The following SOX6 variants were observed in gnomAD, a reference collection of about 807,000 sequenced individuals.
SOX6 encodes SRY-box transcription factor 6, also known as transcription factor SOX-6.
In SOX6, 11 loss-of-function variants were observed where a neutral mutation model predicts 97.8. The ratio of observed to expected loss-of-function variants is 0.11; its 90% confidence interval spans 0.07 to 0.19. The LOEUF (loss-of-function observed/expected upper bound fraction) is 0.19. Ranked by LOEUF, SOX6 falls within the 10% of genes least tolerant of loss-of-function variation. The pLI is 1.00. For missense variants in SOX6, 810 were observed against 1,039.5 expected (o/e 0.78, Z 3.04); for synonymous variants, 360 against 371.4 (o/e 0.97, Z 0.35).
intron 3 of SOX6, among the ~76,000 whole-genome samples, chr11:16,683,867 A>G (rs1847947681): frequency 6.6e-6 from 1 of 152,204 alleles, no homozygotes; most frequent in African/African-American, 2.4e-5. Flanking sequence ...AGAATCTACA[A>G]AGAACTTAAA....
upstream of SOX6, among the ~76,000 whole-genome samples, chr11:16,480,821 CAT>C (rs973213583): frequency 2.9e-4 from 44 of 152,218 alleles, no homozygotes; most frequent in African/African-American, 1.1e-3. Context: ...TACATTAAAT[CAT>C]AGCACTGCAT....
chr11:16,081,509 A>G (rs1440116967), intron 9 of SOX6, among the ~76,000 whole-genome samples: 1 of 152,152 alleles, frequency 6.6e-6, no homozygotes, highest in Non-Finnish European at 1.5e-5. Flanking sequence ...ACACCCCTAG[A>G]AAACTCTCAT....
chr11:16,557,373 T>C (rs561430459), intron 4 of SOX6, among the ~76,000 whole-genome samples: 37 of 151,970 alleles, frequency 2.4e-4, no homozygotes, highest in African/African-American at 8.4e-4. Flanking sequence ...CTCTAGAAAA[T>C]GTACTCCACA....
Position 16,698,398 on chromosome 11 carries a change from C to T in SOX6, n.429+16432G>A, listed in dbSNP as rs574707804. ...GAACTGGGAGAGTTGGAATCTTACT[C>T]TGGATTAGGCTTTGACTTAAGAGAA... On this transcript the variant is annotated intron_variant and non_coding_transcript_variant, in intron 3 of 5. Coordinates refer to the SOX6 transcript ENST00000524520. 2.0e-5 allele frequency among the ~76,000 whole-genome samples: 3 copies of T among 152,322 alleles called. No individual in the cohort carries two copies. The East Asian group carries it at 5.8e-4, about 29-fold the overall frequency.
chr11:16,165,897 C>CAA (rs376656488), intron 6 of SOX6, among the ~76,000 whole-genome samples: 8,798 of 118,312 alleles, frequency 0.074, 622 homozygotes, highest in East Asian at 0.38. Context: ...GACTCTGTCT[C>CAA]AAAAAAAAAA....
intron 4 of SOX6, among the ~76,000 whole-genome samples, chr11:16,546,993 G>A (rs1432453127): frequency 6.6e-6 from 1 of 151,974 alleles, no homozygotes; most frequent in African/African-American, 2.4e-5. Flanking sequence ...ATGGCCAACA[G>A]GTATATGATT....
intron 9 of SOX6, among the ~76,000 whole-genome samples, chr11:16,081,038 A>G (rs2133955095): frequency 1.3e-5 from 2 of 152,164 alleles, no homozygotes; most frequent in African/African-American, 4.8e-5. Flanking sequence ...GAAGTGAGCT[A>G]TGATTGTACC....
At chr11:16,700,630 G>A (rs1354581634) in intron 3 of SOX6, among the ~76,000 whole-genome samples, 1 of 152,114 alleles carries the variant, frequency 6.6e-6, no homozygotes, top group Admixed American at 6.6e-5. Context: ...GAAAGTCAGA[G>A]TATTTCTTCT....
chr11:16,287,068 T>C (rs1170478137), intron 3 of SOX6, among the ~76,000 whole-genome samples: 1 of 152,048 alleles, frequency 6.6e-6, no homozygotes, highest in Non-Finnish European at 1.5e-5. Flanking sequence ...CAAATATACT[T>C]TCCTGTTGCT....
intron 9 of SOX6, among the ~76,000 whole-genome samples, chr11:16,083,712 C>T (rs1848521898): frequency 6.6e-6 from 1 of 152,196 alleles, no homozygotes; most frequent in Admixed American, 6.5e-5. Flanking sequence ...TCTCTCTAGA[C>T]CTCAGTTTCT....
intron 4 of SOX6, among the ~76,000 whole-genome samples, chr11:16,585,751 C>G (rs1190813820): frequency 7.2e-6 from 1 of 139,724 alleles, no homozygotes; most frequent in Non-Finnish European, 1.5e-5. Flanking sequence ...GGCGTGATCA[C>G]GGTTTGCCAC....
chr11:16,722,009 C>A (rs1848270762), intron 2 of SOX6, among the ~76,000 whole-genome samples: 1 of 151,852 alleles, frequency 6.6e-6, no homozygotes, highest in African/African-American at 2.4e-5. Context: ...AAGCTGGACC[C>A]CTTCCTTACA....
intron 1 of SOX6, among the ~76,000 whole-genome samples, chr11:16,427,007 A>G (rs1200945092): frequency 6.6e-6 from 1 of 151,988 alleles, no homozygotes; most frequent in Non-Finnish European, 1.5e-5. Context: ...GTAAAACCCA[A>G]AATTATAGAA....
intron 6 of SOX6, among the ~76,000 whole-genome samples, chr11:16,132,160 T>C (rs1256696048): frequency 6.7e-6 from 1 of 150,104 alleles, no homozygotes; most frequent in Non-Finnish European, 1.5e-5. Flanking sequence ...ACCAAGCAAG[T>C]GGCAGAGCCA....
At chr11:16,523,925 TA>T (rs1445802507) in intron 4 of SOX6, among the ~76,000 whole-genome samples, 1 of 152,108 alleles carries the variant, frequency 6.6e-6, no homozygotes, top group African/African-American at 2.4e-5. Flanking sequence ...CTCCCAAGAC[TA>T]AACCAGGAAG....
At chr11:16,209,071 A>C (rs1329690934) in intron 4 of SOX6, among the ~76,000 whole-genome samples, 2 of 152,214 alleles carry the variant, frequency 1.3e-5, no homozygotes, top group Non-Finnish European at 2.9e-5. Flanking sequence ...CATACATGGG[A>C]ATTCATCTCC....
At chr11:16,181,586 T>C (rs1851349257) in intron 6 of SOX6, among the ~76,000 whole-genome samples, 1 of 150,640 alleles carries the variant, frequency 6.6e-6, no homozygotes, top group African/African-American at 2.4e-5. Flanking sequence ...AAAGTCTGAA[T>C]GTCAAATACC....
chr11:16,067,906 T>G (rs1264906085), intron 9 of SOX6, among the ~76,000 whole-genome samples: 2 of 152,182 alleles, frequency 1.3e-5, no homozygotes, highest in Non-Finnish European at 2.9e-5. Context: ...AAAATTACTA[T>G]TCTATAGAAA....
intron 6 of SOX6, among the ~76,000 whole-genome samples, chr11:16,179,034 A>C (rs2134095379): frequency 6.6e-6 from 1 of 152,018 alleles, no homozygotes; most frequent in Admixed American, 6.6e-5. Context: ...TAACTAGGTC[A>C]AGCAGGTCAT....
Sources: allele counts gnomAD v4.1 joint callset (sites outside exome capture counted in the v4.1 genomes callset), GRCh38; gene constraint gnomAD v4.1.1; transcripts MANE v1.5; gene names NCBI Gene and HGNC (gene_info 2026-07-23, HGNC 2026-07-21).